Variants in GEMIN5 observed in about 807,000 individuals in gnomAD.
GEMIN5 encodes gem nuclear organelle associated protein 5, also known as gem-associated protein 5.
Under a neutral mutation model 176.9 loss-of-function variants are expected in GEMIN5, and 124 were observed. The observed-to-expected ratio is 0.70, with a 90% CI of 0.61 to 0.81. The LOEUF is 0.81. Ranked by LOEUF, GEMIN5 falls within the 40% of genes least tolerant of loss-of-function variation. GEMIN5 has a pLI of 0.00. For missense variants in GEMIN5, 1,843 were observed against 1,814.6 expected, an observed-to-expected ratio of 1.02 and a Z score of -0.28; for synonymous variants, 673 against 665.2, an observed-to-expected ratio of 1.01 and a Z score of -0.18.
At chr5:154,903,836 T>A (rs554370810) in intron 18 of GEMIN5, among the ~76,000 whole-genome samples, 1 of 151,298 alleles carries the variant, frequency 6.6e-6, no homozygotes, top group Admixed American at 6.6e-5. Context: ...AAAAAAAAAT[T>A]TTTTTTTTTA....
chr5:154,907,594 C>G lies in GEMIN5; in HGVS notation c.2392G>C (p.Ala798Pro), dbSNP rs375476320. 5.0e-6 allele frequency: 8 copies of G among 1,611,956 alleles called. No individual in the cohort carries two copies. The Admixed American group carries it at 6.7e-5, about 13-fold the overall frequency. ...EPELPCGLAPAVSREPVICTP... is the reference protein window; with the variant it reads ...EPELPCGLAPPVSREPVICTP... Reference sequence around the variant, plus strand: ...TACACAGGATTCTGCCACATACCCGCTGGAGCAAGGCCACAGGGTAATTCC... The same window carrying G: ...TACACAGGATTCTGCCACATACCCGGTGGAGCAAGGCCACAGGGTAATTCC... The change falls in exon 16 of 28, where the codon GCG (alanine) becomes CCG (proline). Residue 798 changes from alanine (A) to proline (P), a missense_variant. By Grantham distance (27) the Ala-to-Pro change is conservative. Coordinates refer to ENST00000285873, the MANE Select transcript of GEMIN5 (RefSeq NM_015465.5).
chr5:154,930,707 T>A (rs1485994882), intron 5 of GEMIN5, among the ~76,000 whole-genome samples: 5 of 151,266 alleles, frequency 3.3e-5, no homozygotes, highest in Non-Finnish European at 7.4e-5. Context: ...AAATGGAGAG[T>A]AGAATTCTGG....
intron 9 of GEMIN5, 131 bp downstream of exon 9, chr5:154,924,338 C>T (rs969080131): frequency 3.0e-6 from 2 of 658,848 alleles, no homozygotes; most frequent in African/African-American, 3.6e-5. Context: ...GTCTACCAAA[C>T]AACTGATTTG....
chr5:154,899,333 T>C, intron 21 of GEMIN5, 23 bp from the exon 22 acceptor site: 1 of 1,586,702 alleles, frequency 6.3e-7, no homozygotes, highest in East Asian at 2.3e-5. Flanking sequence ...ACAGACCCTT[T>C]AGCCAATCTG....
At position 154,891,244 on chromosome 5, in the gene GEMIN5, T is replaced by C. The variant is rs1023060937; in HGVS notation, c.4259A>G (p.Gln1420Arg). The change falls in exon 26 of 28, where the codon CAG becomes CGG. Residue 1420 changes from glutamine to arginine, a missense_variant. Physicochemically the swap from Gln to Arg is conservative, Grantham distance 43. Transcript: ENST00000285873. ...TTGTACTTGCCTCAGTACTTACCAC[T>C]GGCTCTGAGAACTGCAGAGGGGCTG... ...AEQPLCSSQS[Q>R]CKEEKNEPLS... is the part of the protein sequence containing the mutation. 2 of 1,612,474 alleles carry C rather than the reference T, an allele frequency of 1.2e-6. No individual in the cohort carries two copies. Among genetic ancestry groups the C allele is most frequent in the Non-Finnish European group, 8.5e-7 (1 of 1,178,908 alleles).
intron 5 of GEMIN5, among the ~76,000 whole-genome samples, chr5:154,930,807 A>G (rs955776731): frequency 6.6e-6 from 1 of 152,226 alleles, no homozygotes; most frequent in African/African-American, 2.4e-5. Context: ...GGCAAATGTT[A>G]TATTTTCCAC....
rs1424569635 is a variant in GEMIN5, at chr5:154,891,623, T to TG, written c.3879dup (p.Arg1294GlnfsTer20). 1 of 1,614,026 alleles carries TG rather than the reference T, an allele frequency of 6.2e-7. No individual in the cohort carries two copies. The highest frequency in any genetic ancestry group is 8.5e-7 in the Non-Finnish European group (1 of 1,180,026). ...CAGACACTGGAATTTGGGCAAGGTCTGGAGAGAGACCACCAGAATTCATAC... is the reference window on the plus strand; with the variant it reads ...CAGACACTGGAATTTGGGCAAGGTCTGGGAGAGAGACCACCAGAATTCATAC... On this transcript the variant is annotated frameshift_variant, in exon 26 of 28. Transcript: ENST00000285873. LOFTEE classifies it high-confidence loss of function.
At chr5:154,908,944 AGTTT>A (rs1337923087) in intron 15 of GEMIN5, among the ~76,000 whole-genome samples, 1 of 151,854 alleles carries the variant, frequency 6.6e-6, no homozygotes. Flanking sequence ...CCAAATGGTG[AGTTT>A]GTTTTTTCTT....
Position 154,904,625 on chromosome 5 carries a change from G to A in GEMIN5, c.2514C>T (p.Thr838=). The A allele has an allele frequency of 6.2e-7, 1 of 1,609,378 alleles. No individual in the cohort carries two copies. Among genetic ancestry groups the A allele is most frequent in the Non-Finnish European group, 8.5e-7 (1 of 1,175,958 alleles). The change falls in exon 18 of 28, where the codon ACC becomes ACT. Residue 838 remains threonine, a synonymous_variant. Transcript: ENST00000285873. The stretch of plus-strand genomic sequence containing the variant: ...AACGAGCTTTTCTCTTCTTGATTAA[G>A]GTTTCTGAAATTTAATAAAGTACAT... The part of the protein sequence containing the change: ...KKEPPKEKPE[T]LIKKRKARSL...
chr5:154,932,410 C>CT (rs1009562735), intron 3 of GEMIN5, among the ~76,000 whole-genome samples, 160 bp from the exon 4 acceptor site: 2 of 152,086 alleles, frequency 1.3e-5, no homozygotes, highest in African/African-American at 4.8e-5. Context: ...TTGCTTTTTC[C>CT]TTTTTTTAAA....
At chr5:154,892,804 A>G (rs1432138746) in intron 24 of GEMIN5, among the ~76,000 whole-genome samples, 1 of 152,200 alleles carries the variant, frequency 6.6e-6, no homozygotes, top group Non-Finnish European at 1.5e-5. Flanking sequence ...GCATTTAATT[A>G]AAACAAAAAG....
chr5:154,935,969 A>G lies in GEMIN5; in HGVS notation c.381T>C (p.Ser127=), dbSNP rs1172316150. The change falls in exon 3 of 28, where the codon TCT becomes TCC. Residue 127 remains serine (S), a synonymous_variant. Transcript: ENST00000285873. ...AGAAAACTACTCCTTTTTCATCCCCAGATACTATTAAGTCCTTTACTCGAG... is the reference window on the plus strand; with the variant it reads ...AGAAAACTACTCCTTTTTCATCCCCGGATACTATTAAGTCCTTTACTCGAG... ...WSPRVKDLIV[S]GDEKGVVFCY... 1.9e-6 allele frequency: 3 copies of G among 1,611,894 alleles called. No homozygotes were observed. The highest frequency in any genetic ancestry group is 2.5e-6 in the Non-Finnish European group (3 of 1,178,240).
chr5:154,931,338 A>G (rs111724572), intron 5 of GEMIN5, 120 bp downstream of exon 5: 15 of 1,012,110 alleles, frequency 1.5e-5, no homozygotes, highest in African/African-American at 1.4e-4. Flanking sequence ...AGAATTCTAG[A>G]CCAAAAAGTG....
intron 21 of GEMIN5, 91 bp downstream of exon 21, chr5:154,901,244 CTGTT>C: frequency 7.7e-6 from 9 of 1,171,840 alleles, no homozygotes; most frequent in Non-Finnish European, 1.1e-5. Context: ...AGCAGGAGGA[CTGTT>C]TCTTCTATTT....
At chr5:154,889,535 TAAAA>T in intron 26 of GEMIN5, 118 bp from the exon 27 acceptor site, 1 of 539,504 alleles carries the variant, frequency 1.9e-6, no homozygotes, top group Non-Finnish European at 3.3e-6. Flanking sequence ...CTTAGCCATT[TAAAA>T]ATACATAGTT....
chr5:154,915,589 G>A (rs1179373582), intron 13 of GEMIN5, among the ~76,000 whole-genome samples: 1 of 152,194 alleles, frequency 6.6e-6, no homozygotes, highest in Non-Finnish European at 1.5e-5. Context: ...CTCTAAGGTT[G>A]AATCTAGGCC....
At chr5:154,908,527 G>A (rs1296635909) in intron 15 of GEMIN5, among the ~76,000 whole-genome samples, 1 of 152,126 alleles carries the variant, frequency 6.6e-6, no homozygotes, top group Non-Finnish European at 1.5e-5. Context: ...AGGATCACAT[G>A]GTACATTTGG....
At chr5:154,931,295 TAG>T (rs776092674) in intron 5 of GEMIN5, among the ~76,000 whole-genome samples, 161 bp downstream of exon 5, 1 of 152,218 alleles carries the variant, frequency 6.6e-6, no homozygotes, top group Non-Finnish European at 1.5e-5. Flanking sequence ...GTTGAGAGAA[TAG>T]AGAGTCTAGG....
At chr5:154,928,220 C>T (rs1234331665) in intron 6 of GEMIN5, among the ~76,000 whole-genome samples, 2 of 152,176 alleles carry the variant, frequency 1.3e-5, no homozygotes, top group Non-Finnish European at 2.9e-5. Context: ...CCCCTTTCTA[C>T]ACTTGAAGTG....
Sources: allele counts gnomAD v4.1 joint callset (sites outside exome capture counted in the v4.1 genomes callset), GRCh38; gene constraint gnomAD v4.1.1; transcripts MANE v1.5; gene names NCBI Gene and HGNC (gene_info 2026-07-23, HGNC 2026-07-21).